Variants in AMBRA1 observed in about 807,000 individuals in gnomAD.
The protein encoded by AMBRA1 is activating molecule in BECN1-regulated autophagy protein 1.
AMBRA1 carries 47 observed loss-of-function variants against 125.4 expected under a neutral mutation model. That is an observed-to-expected ratio of 0.37 (90% CI 0.30 to 0.48). The LOEUF (loss-of-function observed/expected upper bound fraction) is 0.48, where lower values mean the gene tolerates loss of function less well. Among genes scored for constraint, AMBRA1 ranks in the 20% least tolerant of loss-of-function variants. The pLI is 0.99. For missense variants in AMBRA1, 1,331 were observed against 1,693.4 expected (o/e 0.79, Z 3.76); for synonymous variants, 626 against 655.5 (o/e 0.95, Z 0.69).
intron 11 of AMBRA1, among the ~76,000 whole-genome samples, chr11:46,462,878 C>G (rs911367705): frequency 2.0e-5 from 3 of 152,034 alleles, no homozygotes; most frequent in African/African-American, 7.2e-5. Context: ...TCAAAACTCC[C>G]AAGTAGCTGG....
Position 46,397,492 on chromosome 11 carries a change from C to G in AMBRA1, c.3855G>C (p.Arg1285Ser). The G allele has an allele frequency of 6.6e-7, 1 of 1,526,242 alleles. No individual in the cohort carries two copies. The highest frequency in any genetic ancestry group is 8.8e-7 in the Non-Finnish European group (1 of 1,135,352). 94.5% of individuals were successfully genotyped at this position (1,526,242 alleles called of 1,614,324 possible). A position where few individuals can be genotyped will look rare whatever the true frequency, so the allele number is the denominator to read the frequency against. ...NNHLLDGGSS[R>S]GDAAGPRGEP... ...CTCCCCTAGGGCCTGCAGCGTCCCC[C>G]CTGCTGCTGCCACCATCCAGAAGGT... The change falls in exon 18 of 18, where the codon AGG becomes AGC. Residue 1285 changes from arginine to serine, a missense_variant. Around this residue, in one of 4 missense-constraint regions of AMBRA1, gnomAD observed 144 missense variants for 133.9 expected, o/e 1.08. Transcript: ENST00000683756.
chr11:46,578,105 G>A (rs2044023982), intron 1 of AMBRA1, among the ~76,000 whole-genome samples: 1 of 152,108 alleles, frequency 6.6e-6, no homozygotes. Flanking sequence ...GGAAGAAAGT[G>A]TGTCTCAAAT....
chr11:46,404,639 G>A (rs992451755), intron 17 of AMBRA1, among the ~76,000 whole-genome samples: 17 of 152,212 alleles, frequency 1.1e-4, no homozygotes, highest in East Asian at 1.9e-4. Context: ...CCAGCTGCCC[G>A]GTCTCACTCT....
At chr11:46,437,153 AGAG>A (rs1263066117) in intron 12 of AMBRA1, among the ~76,000 whole-genome samples, 1 of 152,254 alleles carries the variant, frequency 6.6e-6, no homozygotes, top group Non-Finnish European at 1.5e-5. Flanking sequence ...CAAGGTGTGC[AGAG>A]GAGAGTACAA....
chr11:46,576,070 T>C (rs2043951664), intron 1 of AMBRA1, among the ~76,000 whole-genome samples: 1 of 152,198 alleles, frequency 6.6e-6, no homozygotes, highest in African/African-American at 2.4e-5. Flanking sequence ...AGATGTTGGC[T>C]TTGATCACTA....
chr11:46,536,446 G>T (rs1952481905), intron 7 of AMBRA1, among the ~76,000 whole-genome samples: 1 of 152,104 alleles, frequency 6.6e-6, no homozygotes, highest in Admixed American at 6.5e-5. Context: ...ATAATAAATT[G>T]TGTATATTCC....
rs558921121 is a variant in AMBRA1, at chr11:46,411,380, C to T, written c.3117-1012G>A. On this transcript the variant is annotated intron_variant, in intron 15 of 17. Coordinates refer to ENST00000683756, the MANE Select transcript of AMBRA1 (RefSeq NM_001387011.1). The stretch of plus-strand genomic sequence containing the variant: ...CAGAGACCAGGCAGGGCCTGGAAGA[C>T]GAGGGACTGTGTCCCAGGAGGTCCC... 3.0e-4 allele frequency among the ~76,000 whole-genome samples: 46 copies of T among 151,740 alleles called. 1 individual carries two copies. Among genetic ancestry groups the T allele is most frequent in the East Asian group, 2.7e-3 (14 of 5,192 alleles).
intron 7 of AMBRA1, among the ~76,000 whole-genome samples, chr11:46,516,423 CT>C (rs1162985350): frequency 3.8e-3 from 281 of 73,170 alleles, no homozygotes; most frequent in African/African-American, 0.01. Context: ...AAAGATCTTT[CT>C]TTTTTTTTTT....
chr11:46,517,885 T>C (rs1951573408), intron 7 of AMBRA1, among the ~76,000 whole-genome samples: 1 of 144,810 alleles, frequency 6.9e-6, no homozygotes, highest in Non-Finnish European at 1.5e-5. Flanking sequence ...AGCTTAAATA[T>C]AAAAAACTAT....
chr11:46,556,527 G>C (rs185070087), intron 1 of AMBRA1, among the ~76,000 whole-genome samples: 4 of 152,282 alleles, frequency 2.6e-5, no homozygotes, highest in Admixed American at 2.0e-4. Flanking sequence ...AGATGGAGAA[G>C]TCATGAGTGA....
chr11:46,461,919 G>A (rs894341096), intron 11 of AMBRA1, among the ~76,000 whole-genome samples: 1 of 152,082 alleles, frequency 6.6e-6, no homozygotes, highest in Non-Finnish European at 1.5e-5. Context: ...GCCATATAAC[G>A]TCTTACCCTG....
intron 11 of AMBRA1, among the ~76,000 whole-genome samples, chr11:46,472,924 C>A (rs920979566): frequency 6.6e-6 from 1 of 152,136 alleles, no homozygotes; most frequent in Non-Finnish European, 1.5e-5. Flanking sequence ...CTTGCTCATA[C>A]CAACTTATAA....
At chr11:46,504,253 A>G (rs534677429) in intron 9 of AMBRA1, among the ~76,000 whole-genome samples, 1 of 152,248 alleles carries the variant, frequency 6.6e-6, no homozygotes, top group Non-Finnish European at 1.5e-5. Flanking sequence ...GGGGGCAAGC[A>G]TAGCTGGAAT....
At chr11:46,482,583 C>T (rs1337888309) in intron 11 of AMBRA1, among the ~76,000 whole-genome samples, 1 of 152,170 alleles carries the variant, frequency 6.6e-6, no homozygotes, top group Non-Finnish European at 1.5e-5. Flanking sequence ...AGGAGAAACC[C>T]TTGTTCCCAA....
chr11:46,569,869 G>A (rs2043693447), intron 1 of AMBRA1, among the ~76,000 whole-genome samples: 1 of 152,014 alleles, frequency 6.6e-6, no homozygotes, highest in Non-Finnish European at 1.5e-5. Flanking sequence ...GCTGAGGCAG[G>A]AGAATCACTT....
At chr11:46,406,935 C>T (rs1946049613) in intron 17 of AMBRA1, among the ~76,000 whole-genome samples, 1 of 151,526 alleles carries the variant, frequency 6.6e-6, no homozygotes, top group African/African-American at 2.4e-5. Context: ...AATCCCAGCA[C>T]TTTGGGAGTC....
chr11:46,522,802 A>T (rs1277189506), intron 7 of AMBRA1, among the ~76,000 whole-genome samples: 3 of 152,226 alleles, frequency 2.0e-5, no homozygotes, highest in African/African-American at 7.2e-5. Flanking sequence ...TGAAGGTCTT[A>T]AAAAACATTT....
At chr11:46,480,431 C>T (rs1950015453) in intron 11 of AMBRA1, among the ~76,000 whole-genome samples, 1 of 152,002 alleles carries the variant, frequency 6.6e-6, no homozygotes, top group Non-Finnish European at 1.5e-5. Context: ...ATGTCTTATG[C>T]CACTAAATTT....
intron 7 of AMBRA1, among the ~76,000 whole-genome samples, chr11:46,533,316 C>A (rs1279672688): frequency 2.6e-5 from 4 of 152,178 alleles, no homozygotes; most frequent in African/African-American, 9.7e-5. Context: ...TACAATTGTA[C>A]ATTTCTGTAA....
Sources: gnomAD v4.1 joint callset for allele counts (sites outside exome capture counted in the v4.1 genomes callset) on GRCh38, gnomAD v4.1.1 for gene constraint, gnomAD v4.1.1 regional missense constraint, MANE v1.5 for transcripts, NCBI Gene and HGNC (gene_info 2026-07-23, HGNC 2026-07-21) for gene names.